Variants in CSMD1 observed in about 807,000 individuals in gnomAD.
CSMD1 encodes CUB and Sushi multiple domains 1, also known as CUB and sushi domain-containing protein 1.
A neutral mutation model predicts 417.5 loss-of-function variants in CSMD1; 213 were observed. That is an observed-to-expected ratio of 0.51 (90% CI 0.46 to 0.57). The LOEUF is 0.57. Ranked by LOEUF, CSMD1 falls within the 20% of genes least tolerant of loss-of-function variation. The pLI, the probability that CSMD1 is intolerant of heterozygous loss-of-function variation, is 0.00. For missense variants in CSMD1, 6,923 were observed against 4,529.7 expected (o/e 1.53, Z -15.17); for synonymous variants, 2,862 against 1,736.8 (o/e 1.65, Z -16.11).
At chr8:3,658,343 T>G (rs935252444) in intron 7 of CSMD1, among the ~76,000 whole-genome samples, 1 of 151,862 alleles carries the variant, frequency 6.6e-6, no homozygotes, top group Non-Finnish European at 1.5e-5. Flanking sequence ...CTACTCAACT[T>G]TAAATACATC....
At chr8:4,119,230 A>C (rs751631646) in intron 3 of CSMD1, among the ~76,000 whole-genome samples, 1 of 152,166 alleles carries the variant, frequency 6.6e-6, no homozygotes, top group Non-Finnish European at 1.5e-5. Context: ...CACATTCTGC[A>C]CATGTGTCCT....
chr8:3,567,253 C>G (rs992407191), intron 10 of CSMD1, among the ~76,000 whole-genome samples: 1 of 151,826 alleles, frequency 6.6e-6, no homozygotes, highest in Non-Finnish European at 1.5e-5. Context: ...AAACAATGGT[C>G]ACTAGGAACT....
chr8:3,461,230 G>A (rs1816479699), intron 12 of CSMD1, among the ~76,000 whole-genome samples: 1 of 152,138 alleles, frequency 6.6e-6, no homozygotes, highest in African/African-American at 2.4e-5. Flanking sequence ...GAAGATGCAA[G>A]GGCTACTGAC....
intron 5 of CSMD1, among the ~76,000 whole-genome samples, chr8:3,982,837 C>T (rs1264894831): frequency 3.9e-5 from 6 of 152,222 alleles, no homozygotes; most frequent in Non-Finnish European, 7.3e-5. Context: ...TCACTTTCAT[C>T]ATTGCAGCTC....
chr8:4,380,293 G>A lies in CSMD1; in HGVS notation c.415+39660C>T, dbSNP rs548627749. On this transcript the variant is annotated intron_variant, in intron 3 of 69. Transcript: ENST00000635120. ...TGCCAGGTGACTAAGGTCAGCATCT[G>A]CAGTGCTGAGCCACAGTGATAGCAC... 3.3e-5 allele frequency among the ~76,000 whole-genome samples: 5 copies of A among 152,214 alleles called. No homozygotes were observed. The East Asian group carries it at 5.8e-4, about 18-fold the overall frequency.
chr8:3,112,220 G>A (rs1428314990), intron 42 of CSMD1, among the ~76,000 whole-genome samples: 1 of 152,162 alleles, frequency 6.6e-6, no homozygotes, highest in Non-Finnish European at 1.5e-5. Context: ...AGAATAACCA[G>A]AGAGCACTTT....
chr8:4,809,612 C>T (rs1798782983), intron 1 of CSMD1, among the ~76,000 whole-genome samples: 1 of 152,126 alleles, frequency 6.6e-6, no homozygotes, highest in South Asian at 2.1e-4. Flanking sequence ...CTGTGCTCTC[C>T]AGTAGAAATA....
chr8:4,091,688 A>C (rs985860782), intron 3 of CSMD1, among the ~76,000 whole-genome samples: 1 of 152,236 alleles, frequency 6.6e-6, no homozygotes. Flanking sequence ...AAATCTGTGA[A>C]GACTTAGGAA....
chr8:4,649,462 C>T (rs538354405), intron 1 of CSMD1, among the ~76,000 whole-genome samples: 2 of 152,158 alleles, frequency 1.3e-5, no homozygotes, highest in Non-Finnish European at 2.9e-5. Context: ...TTTTCCAAAG[C>T]CACATATACA....
chr8:4,512,732 A>G (rs746411418), intron 2 of CSMD1, among the ~76,000 whole-genome samples: 1 of 152,116 alleles, frequency 6.6e-6, no homozygotes, highest in Non-Finnish European at 1.5e-5. Context: ...ATCTAGCAAA[A>G]TACATACAAA....
At chr8:2,942,447 C>T (rs1477501117) in intron 69 of CSMD1, 25 bp downstream of exon 69, 1 of 1,601,426 alleles carries the variant, frequency 6.2e-7, no homozygotes. Flanking sequence ...ACAACATTCT[C>T]AAACAGATGG....
chr8:4,222,791 G>T (rs1585049443), intron 3 of CSMD1, among the ~76,000 whole-genome samples: 2 of 152,120 alleles, frequency 1.3e-5, no homozygotes, highest in South Asian at 2.1e-4. Context: ...ATCATTAAGG[G>T]CTGGTTGAGC....
At chr8:4,217,127 C>T (rs559513302) in intron 3 of CSMD1, among the ~76,000 whole-genome samples, 17 of 152,306 alleles carry the variant, frequency 1.1e-4, no homozygotes, top group Admixed American at 9.2e-4. Context: ...TGCTAGTCTA[C>T]ATAGTACTTT....
At chr8:4,434,397 T>G (rs1461720113) in intron 2 of CSMD1, among the ~76,000 whole-genome samples, 1 of 152,158 alleles carries the variant, frequency 6.6e-6, no homozygotes, top group Non-Finnish European at 1.5e-5. Context: ...ACACTAAATC[T>G]GAGTGTTTGG....
At chr8:3,139,129 T>C (rs563343029) in intron 41 of CSMD1, among the ~76,000 whole-genome samples, 1 of 152,268 alleles carries the variant, frequency 6.6e-6, no homozygotes, top group Non-Finnish European at 1.5e-5. Context: ...CATGTTTCAG[T>C]GCCTGCGTCA....
At chr8:3,748,557 T>C (rs1010651940) in intron 6 of CSMD1, among the ~76,000 whole-genome samples, 1 of 152,170 alleles carries the variant, frequency 6.6e-6, no homozygotes. Context: ...GTTGTTATTA[T>C]TTTTACACTG....
At chr8:3,392,808 C>G (rs1396421018) in intron 17 of CSMD1, among the ~76,000 whole-genome samples, 1 of 152,034 alleles carries the variant, frequency 6.6e-6, no homozygotes, top group Non-Finnish European at 1.5e-5. Flanking sequence ...ACGGGGACAC[C>G]CTCTGAGTGG....
chr8:4,607,516 C>A (rs996610993), intron 2 of CSMD1, among the ~76,000 whole-genome samples: 5 of 152,144 alleles, frequency 3.3e-5, no homozygotes, highest in Middle Eastern at 3.2e-3. Context: ...CTAAGACAAA[C>A]TGGATTCAAC....
chr8:4,684,718 G>C (rs953898260), intron 1 of CSMD1, among the ~76,000 whole-genome samples: 2 of 152,044 alleles, frequency 1.3e-5, no homozygotes, highest in Admixed American at 6.6e-5. Flanking sequence ...AGGGAATGAA[G>C]GATAGCTGTA....
Sources: allele counts gnomAD v4.1 joint callset (sites outside exome capture counted in the v4.1 genomes callset), GRCh38; gene constraint gnomAD v4.1.1; transcripts MANE v1.5; gene names NCBI Gene and HGNC (gene_info 2026-07-23, HGNC 2026-07-21).